Variants in RANBP2 observed in about 807,000 individuals in gnomAD.
RANBP2 encodes the protein RAN binding protein 2, also known as E3 SUMO-protein ligase RanBP2.
A neutral mutation model predicts 303.6 loss-of-function variants in RANBP2; 57 were observed. The observed-to-expected ratio is 0.19, with a 90% CI of 0.15 to 0.23. The LOEUF is 0.23. Ranked by LOEUF, RANBP2 falls within the 10% of genes least tolerant of loss-of-function variation. The pLI, the probability that RANBP2 is intolerant of heterozygous loss-of-function variation, is 1.00. For missense variants in RANBP2, 3,138 were observed against 3,780.8 expected (o/e 0.83, Z 4.46); for synonymous variants, 1,167 against 1,301.5 (o/e 0.90, Z 2.23).
chr2:108,812,712 A>G, the RANBP2 span: 1 of 1,606,410 alleles, frequency 6.2e-7, no homozygotes, highest in East Asian at 2.2e-5. Context: ...TTTACAGGTA[A>G]GTTGCCTGTT....
chr2:108,977,407 TACA>T, the RANBP2 span, among the ~76,000 whole-genome samples: 1 of 152,192 alleles, frequency 6.6e-6, no homozygotes, highest in Non-Finnish European at 1.5e-5. Context: ...TAGCTGGGAC[TACA>T]GGCACCCGCC....
At chr2:109,459,266 A>G in the RANBP2 span, among the ~76,000 whole-genome samples, 1 of 152,200 alleles carries the variant, frequency 6.6e-6, no homozygotes, top group Non-Finnish European at 1.5e-5. Flanking sequence ...TTAACAAAAT[A>G]GGAGGAAATA....
At chr2:109,393,927 G>T in the RANBP2 span, among the ~76,000 whole-genome samples, 3 of 151,222 alleles carry the variant, frequency 2.0e-5, no homozygotes, top group Non-Finnish European at 4.4e-5. Context: ...CAGGGATTTG[G>T]GGTGACTATA....
the RANBP2 span, among the ~76,000 whole-genome samples, chr2:108,991,751 TA>T: frequency 4.7e-4 from 72 of 152,340 alleles, no homozygotes; most frequent in South Asian, 9.5e-3. Context: ...GCAGATCAGA[TA>T]ATTTCCAGTG....
At chr2:109,701,655 C>G in the RANBP2 span, among the ~76,000 whole-genome samples, 4 of 152,136 alleles carry the variant, frequency 2.6e-5, no homozygotes, top group Non-Finnish European at 1.5e-5. Context: ...GGGATGACTT[C>G]TAGAGTTCTG....
the RANBP2 span, among the ~76,000 whole-genome samples, chr2:109,729,783 T>A: frequency 6.6e-6 from 1 of 152,162 alleles, no homozygotes; most frequent in African/African-American, 2.4e-5. Context: ...TTAGTCTGTT[T>A]TCACACTGCT....
the RANBP2 span, among the ~76,000 whole-genome samples, chr2:109,479,103 A>G: frequency 6.6e-6 from 1 of 152,152 alleles, no homozygotes. Flanking sequence ...GCACCAGCAC[A>G]CACTTCTCAA....
At chr2:109,032,597 G>GC in the RANBP2 span, among the ~76,000 whole-genome samples, 1 of 147,148 alleles carries the variant, frequency 6.8e-6, no homozygotes, top group African/African-American at 2.7e-5. Flanking sequence ...GGGGTGGGGT[G>GC]GGGGAGTCTT....
chr2:109,659,521 G>A, the RANBP2 span, among the ~76,000 whole-genome samples: 1 of 152,250 alleles, frequency 6.6e-6, no homozygotes. Context: ...GGTGGTCAGT[G>A]GTTCGCATGG....
chr2:109,633,881 G>A, the RANBP2 span, among the ~76,000 whole-genome samples: 3 of 151,910 alleles, frequency 2.0e-5, no homozygotes, highest in African/African-American at 7.3e-5. Context: ...CAGCACTTTA[G>A]GAGGTCAAGG....
At chr2:108,973,985 A>T in the RANBP2 span, among the ~76,000 whole-genome samples, 1 of 152,196 alleles carries the variant, frequency 6.6e-6, no homozygotes. Flanking sequence ...CAGGAGAGTA[A>T]GACCATCCTG....
chr2:109,728,841 T>C, the RANBP2 span, among the ~76,000 whole-genome samples: 1 of 151,960 alleles, frequency 6.6e-6, no homozygotes, highest in Non-Finnish European at 1.5e-5. Context: ...CGATTACTGA[T>C]TTCTGTGGTG....
At chr2:109,648,804 C>T in the RANBP2 span, among the ~76,000 whole-genome samples, 2 of 152,130 alleles carry the variant, frequency 1.3e-5, no homozygotes, top group South Asian at 4.1e-4. Flanking sequence ...CAGGCACGTG[C>T]CACCACTTCG....
At chr2:109,094,802 C>A in the RANBP2 span, among the ~76,000 whole-genome samples, 1 of 152,132 alleles carries the variant, frequency 6.6e-6, no homozygotes, top group Admixed American at 6.5e-5. Flanking sequence ...TGCACTCCAG[C>A]CTGAGTGACA....
the RANBP2 span, chr2:108,930,861 G>T: frequency 1.6e-6 from 2 of 1,265,886 alleles, no homozygotes; most frequent in Non-Finnish European, 2.3e-6. Context: ...GTGGAGGAGG[G>T]ACTATGATCA....
At chr2:109,554,910 T>C in the RANBP2 span, among the ~76,000 whole-genome samples, 2 of 152,182 alleles carry the variant, frequency 1.3e-5, no homozygotes, top group African/African-American at 4.8e-5. Context: ...GAGTCATCTT[T>C]CACTCTTCCC....
chr2:108,763,826 G>A lies in RANBP2; in HGVS notation c.3287G>A (p.Arg1096Gln), dbSNP rs774748190. Reference protein sequence around the residue: ...PIPGGQTIGPRNTFNFGSKNV... With the variant: ...PIPGGQTIGPQNTFNFGSKNV... Reference sequence around the variant, plus strand: ...CCTGGTGGTCAAACCATTGGGCCTCGAAATACATTCAATTTTGGAAGCAAA... The same window carrying A: ...CCTGGTGGTCAAACCATTGGGCCTCAAAATACATTCAATTTTGGAAGCAAA... The change falls in exon 20 of 29, where the codon CGA becomes CAA. Residue 1096 changes from arginine (R) to glutamine (Q), a missense_variant. Around this residue, in one of 20 missense-constraint regions of RANBP2, gnomAD observed 403 missense variants for 376.7 expected, o/e 1.07. Coordinates refer to ENST00000283195, the MANE Select transcript of RANBP2 (RefSeq NM_006267.5). 53 of 1,613,876 alleles carry A rather than the reference G, an allele frequency of 3.3e-5. No individual in the cohort carries two copies. Among genetic ancestry groups the A allele is most frequent in the Admixed American group, 3.2e-4 (19 of 59,982 alleles).
the RANBP2 span, chr2:108,912,718 C>T: frequency 1.2e-5 from 20 of 1,602,774 alleles, no homozygotes; most frequent in South Asian, 6.8e-5. Context: ...TGCTGCTGCC[C>T]GAGGTGCCAG....
At chr2:108,910,777 T>C in the RANBP2 span, 2 of 1,612,948 alleles carry the variant, frequency 1.2e-6, no homozygotes, top group Non-Finnish European at 1.7e-6. Context: ...TTCACAGACC[T>C]GGGGCCTCTT....
Sources: allele counts gnomAD v4.1 joint callset (sites outside exome capture counted in the v4.1 genomes callset), GRCh38; gene constraint gnomAD v4.1.1; regional missense constraint gnomAD v4.1.1; transcripts MANE v1.5; gene names NCBI Gene and HGNC (gene_info 2026-07-23, HGNC 2026-07-21).